PCNT: variants seen among roughly 807,000 people sequenced by gnomAD.
PCNT encodes the protein pericentrin.
A neutral mutation model predicts 380.4 loss-of-function variants in PCNT; 319 were observed. The ratio of observed to expected loss-of-function variants is 0.84; its 90% CI spans 0.77 to 0.92. The LOEUF (loss-of-function observed/expected upper bound fraction) is 0.92, where lower values mean the gene tolerates loss of function less well. PCNT is among the 40% of genes least tolerant of loss of function. The pLI is 0.00. For missense variants in PCNT, 4,400 were observed against 4,255.3 expected (o/e 1.03, Z -0.95); for synonymous variants, 1,845 against 1,735.2 (o/e 1.06, Z -1.57).
Position 46,345,857 on chromosome 21 carries a change from C to T in PCNT, c.640-271C>T, listed in dbSNP as rs938955715. ...ACGTGGCCTTCTGTGTCTGCTCTGT[C>T]ACTCAGCCTCACGTCTTCAGGGCTC... On this transcript the variant is annotated intron_variant, in intron 3 of 46. Transcript: ENST00000359568. Among the ~76,000 whole-genome samples, 8 of 152,334 alleles carry T rather than the reference C, an allele frequency of 5.3e-5. No homozygotes were observed. In the East Asian group the frequency reaches 5.8e-4, roughly 11 times the overall value.
intron 21 of PCNT, among the ~76,000 whole-genome samples, chr21:46,391,834 G>A (rs1295182394): frequency 6.6e-6 from 1 of 152,238 alleles, no homozygotes; most frequent in East Asian, 1.9e-4. Context: ...AATGAAAACT[G>A]TCAAAACATA....
chr21:46,424,419 C>A (rs1056975426), intron 32 of PCNT, among the ~76,000 whole-genome samples: 1 of 152,224 alleles, frequency 6.6e-6, no homozygotes, highest in Admixed American at 6.5e-5. Context: ...TGGGACCCCC[C>A]AGGCTGCCTC....
At chr21:46,349,568 G>A in intron 7 of PCNT, 116 bp from the exon 8 acceptor site, 1 of 1,112,536 alleles carries the variant, frequency 9.0e-7, no homozygotes, top group African/African-American at 1.5e-5. Context: ...GGGCCCGGGG[G>A]CGCCCAGGAT....
In PCNT at chr21:46,367,282, G is replaced by A. The variant is rs2084962625; in HGVS notation, c.3165+143G>A. The A allele has an allele frequency of 7.4e-6, 5 of 675,380 alleles. No homozygotes were observed. In the East Asian group the frequency reaches 1.1e-4, roughly 15 times the overall value. 41.8% of individuals were successfully genotyped at this position (675,380 alleles called of 1,614,324 possible). A position where few individuals can be genotyped will look rare whatever the true frequency, so the allele number is the denominator to read the frequency against. On this transcript the variant is annotated intron_variant, in intron 15 of 46. Transcript: ENST00000359568. Reference sequence around the variant, plus strand: ...GTCTCACAGGCTGCCGAGATCAGTGGGGACTTCTGGTCTCTTTGTGAACTG... The same window carrying A: ...GTCTCACAGGCTGCCGAGATCAGTGAGGACTTCTGGTCTCTTTGTGAACTG...
intron 24 of PCNT, 116 bp downstream of exon 24, chr21:46,398,371 A>G (rs941428340): frequency 9.1e-6 from 10 of 1,099,612 alleles, no homozygotes; most frequent in Non-Finnish European, 1.3e-5. Context: ...GGCTGCAGCC[A>G]TCTGCTTTCT....
rs546332174 is a variant in PCNT, at chr21:46,414,898, C to T, written c.6151-1171C>T. Among the ~76,000 whole-genome samples, 222 of 152,320 alleles carry T rather than the reference C, an allele frequency of 1.5e-3. 1 individual carries two copies. Among genetic ancestry groups the T allele is most frequent in the African/African-American group, 4.9e-3 (203 of 41,570 alleles). On this transcript the variant is annotated intron_variant, in intron 29 of 46. Transcript: ENST00000359568. The stretch of plus-strand genomic sequence containing the variant: ...CACACAGCCACCCACCCTGCTCTTC[C>T]TCCTCCCCCTCCTCCCTGCTGTTTG...
intron 10 of PCNT, among the ~76,000 whole-genome samples, chr21:46,353,731 T>TGTGTGTGTGG: frequency 7.5e-6 from 1 of 134,122 alleles, no homozygotes; most frequent in African/African-American, 2.8e-5. Context: ...TGTGTGTGTG[T>TGTGTGTGTGG]GTGTGTGTGT....
At chr21:46,341,763 C>CT (rs1408310563) in intron 3 of PCNT, among the ~76,000 whole-genome samples, 22 of 152,146 alleles carry the variant, frequency 1.4e-4, no homozygotes, top group Admixed American at 7.9e-4. Flanking sequence ...TTACTGCACT[C>CT]TCCACCCCTG....
chr21:46,399,348 CTAGGTCTCTGTTCAGCCTG>C (rs2086338102), intron 24 of PCNT, among the ~76,000 whole-genome samples: 1 of 151,776 alleles, frequency 6.6e-6, no homozygotes, highest in African/African-American at 2.4e-5. Context: ...GCCTGTGGGT[CTAGGTCTCTGTTCAGCCTG>C]TGGGTCTGGG....
At chr21:46,400,649 A>G (rs2086392255) in intron 25 of PCNT, among the ~76,000 whole-genome samples, 1 of 150,816 alleles carries the variant, frequency 6.6e-6, no homozygotes, top group African/African-American at 2.4e-5. Context: ...CTTCCTGAGT[A>G]GCTGGGAGCA....
In PCNT at chr21:46,346,838, G is replaced by A; in HGVS notation, c.816G>A (p.Glu272=). The change falls in exon 5 of 47, where the codon GAG becomes GAA. Residue 272 remains glutamate (E), a synonymous_variant. Transcript: ENST00000359568. ...TGACACAGGCCAACCTCCAGAAGGA[G>A]AAGGAGACGGCATTGACGGAGCTGC... ...LELTQANLQK[E]KETALTELRE... is the part of the protein sequence containing the mutation. The A allele has an allele frequency of 6.2e-7, 1 of 1,608,054 alleles. No individual in the cohort carries two copies. Among genetic ancestry groups the A allele is most frequent in the Non-Finnish European group, 8.5e-7 (1 of 1,177,872 alleles).
chr21:46,396,952 C>G (rs1458315613), intron 21 of PCNT, among the ~76,000 whole-genome samples: 1 of 152,164 alleles, frequency 6.6e-6, no homozygotes, highest in Non-Finnish European at 1.5e-5. Flanking sequence ...CCCCTAGACA[C>G]GTCACAACCC....
intron 33 of PCNT, 87 bp downstream of exon 33, chr21:46,426,058 A>G (rs1310685504): frequency 1.3e-5 from 9 of 704,718 alleles, no homozygotes; most frequent in Non-Finnish European, 9.5e-6. Flanking sequence ...CGTGGACACT[A>G]GGATTTCTTT....
intron 2 of PCNT, among the ~76,000 whole-genome samples, chr21:46,330,760 A>G (rs1031134624): frequency 6.6e-6 from 1 of 152,252 alleles, no homozygotes; most frequent in Non-Finnish European, 1.5e-5. Flanking sequence ...GTGAAATTCT[A>G]GGAAAGAGTC....
Position 46,388,996 on chromosome 21 carries a change from C to A in PCNT, c.3607+112C>A. 6.8e-7 allele frequency: 1 copy of A among 1,460,714 alleles called. No individual in the cohort carries two copies. The allele number at this position is 1,460,714 out of a possible 1,614,324, so 90.5% of individuals were successfully genotyped here. A position where few individuals can be genotyped will look rare whatever the true frequency, so the allele number is the denominator to read the frequency against. Reference sequence around the variant, plus strand: ...GCGATGCCCTTGGGAGCACTGCCGTCCTGGTTTCCTGCTAGTTTCCGCACT... The same window carrying A: ...GCGATGCCCTTGGGAGCACTGCCGTACTGGTTTCCTGCTAGTTTCCGCACT... On this transcript the variant is annotated intron_variant, in intron 18 of 46. Coordinates refer to ENST00000359568, the MANE Select transcript of PCNT (RefSeq NM_006031.6). The surrounding 1 kb of genome is among the most constrained non-coding windows in gnomAD (Gnocchi z 4.2).
chr21:46,436,257 C>A, intron 39 of PCNT, 109 bp downstream of exon 39: 1 of 1,256,464 alleles, frequency 8.0e-7, no homozygotes, highest in Non-Finnish European at 1.1e-6. Flanking sequence ...TGCTCCTTTG[C>A]ACTTAACGCT....
chr21:46,384,728 A>ATGGTGT (rs1050137375), intron 16 of PCNT, among the ~76,000 whole-genome samples: 47 of 140,616 alleles, frequency 3.3e-4, no homozygotes, highest in Non-Finnish European at 5.8e-4. Context: ...AAACACATTC[A>ATGGTGT]TGGTGTTGTG....
chr21:46,409,854 A>T (rs529300692), intron 27 of PCNT, among the ~76,000 whole-genome samples: 99 of 152,146 alleles, frequency 6.5e-4, no homozygotes, highest in Non-Finnish European at 1.3e-3. Flanking sequence ...TCAGCCTCCC[A>T]AAGTGCTGGG....
chr21:46,398,661 C>CT (rs1353940052), intron 24 of PCNT, among the ~76,000 whole-genome samples: 3 of 152,224 alleles, frequency 2.0e-5, no homozygotes, highest in African/African-American at 7.2e-5. Flanking sequence ...ATTTCTAAAA[C>CT]TTTACCATCT....
Sources: allele counts gnomAD v4.1 joint callset (sites outside exome capture counted in the v4.1 genomes callset), GRCh38; gene constraint gnomAD v4.1.1; non-coding constraint Gnocchi (gnomAD v3.1); transcripts MANE v1.5; gene names NCBI Gene and HGNC (gene_info 2026-07-23, HGNC 2026-07-21).